Variants in BNC2 observed in about 807,000 individuals in gnomAD.
BNC2 encodes the protein basonuclin zinc finger protein 2.
BNC2 carries 20 observed loss-of-function variants against 76.3 expected under a neutral mutation model. The observed-to-expected ratio is 0.26, with a 90% CI of 0.18 to 0.38. The LOEUF is 0.38. Among genes scored for constraint, BNC2 ranks in the 10% least tolerant of loss-of-function variants. BNC2 has a pLI of 1.00. For synonymous variants in BNC2, 582 were observed against 514.8 expected, an observed-to-expected ratio of 1.13 and a Z score of -1.77; for missense variants, 1,382 against 1,399.8, an observed-to-expected ratio of 0.99 and a Z score of 0.20.
chr9:16,677,449 C>T lies in BNC2; in HGVS notation c.330+50348G>A, dbSNP rs116202857. Among the ~76,000 whole-genome samples the T allele has an allele frequency of 3.1e-3, 473 of 151,978 alleles. 5 individuals are homozygous for T. The highest frequency in any genetic ancestry group is 0.01 in the African/African-American group (434 of 41,450). On this transcript the variant is annotated intron_variant, in intron 3 of 6. Transcript: ENST00000380672. The stretch of plus-strand genomic sequence containing the variant: ...TTAACTGGACATGGTGGTGAATGCC[C>T]GTAGTCCCAGCTACTCGGGAGGCTG...
At chr9:16,539,013 G>C (rs1818216005) in intron 5 of BNC2, among the ~76,000 whole-genome samples, 1 of 152,084 alleles carries the variant, frequency 6.6e-6, no homozygotes. Context: ...GGGGCATGGT[G>C]TCTGTCTGTT....
chr9:16,509,666 T>C (rs776237650), intron 5 of BNC2, among the ~76,000 whole-genome samples: 3 of 152,228 alleles, frequency 2.0e-5, no homozygotes, highest in Non-Finnish European at 4.4e-5. Flanking sequence ...TTCAGTTCCA[T>C]ACCAAAGTAT....
intron 1 of BNC2, among the ~76,000 whole-genome samples, chr9:16,747,047 T>C (rs1052294025): frequency 5.3e-5 from 8 of 152,026 alleles, no homozygotes; most frequent in Admixed American, 1.3e-4. Context: ...ATTCTTCCCA[T>C]TTTTAAAATA....
intron 3 of BNC2, among the ~76,000 whole-genome samples, chr9:16,607,747 T>C (rs1280729704): frequency 1.3e-5 from 2 of 152,224 alleles, no homozygotes; most frequent in Non-Finnish European, 2.9e-5. Flanking sequence ...CTACCCTGTC[T>C]AGGCAGTTAA....
chr9:16,671,807 T>C (rs1046698478), intron 3 of BNC2, among the ~76,000 whole-genome samples: 2 of 152,210 alleles, frequency 1.3e-5, no homozygotes, highest in Non-Finnish European at 2.9e-5. Context: ...TGACAAGTAC[T>C]GTTCTGAAAG....
intron 2 of BNC2, among the ~76,000 whole-genome samples, chr9:16,731,344 T>C (rs1824498222): frequency 6.6e-6 from 1 of 152,220 alleles, no homozygotes; most frequent in South Asian, 2.1e-4. Flanking sequence ...CTTTCCCACA[T>C]TTACTGATAG....
Position 16,436,387 on chromosome 9 carries a change from G to C in BNC2, c.1807C>G (p.Gln603Glu). 1 of 1,614,136 alleles carries C rather than the reference G, an allele frequency of 6.2e-7. No homozygotes were observed. Among genetic ancestry groups the C allele is most frequent in the Non-Finnish European group, 8.5e-7 (1 of 1,180,046 alleles). Residue 603 changes from glutamine to glutamate, a missense_variant, in exon 6 of 7, where the codon CAG becomes GAG. Around this residue, in one of 3 missense-constraint regions of BNC2, gnomAD observed 798 missense variants for 775.5 expected, o/e 1.03. Coordinates refer to ENST00000380672, the MANE Select transcript of BNC2 (RefSeq NM_017637.6). ...PIIPTSGTIE[Q>E]HPPPPSEPVV... ...GGCTCAGAGGGTGGCGGGGGGTGCT[G>C]CTCTATGGTACCACTGGTTGGAATG...
At chr9:16,814,070 C>A (rs895686671) in intron 1 of BNC2, among the ~76,000 whole-genome samples, 1 of 152,196 alleles carries the variant, frequency 6.6e-6, no homozygotes, top group African/African-American at 2.4e-5. Context: ...TGACACGGAC[C>A]ACTGGGCTGT....
chr9:16,714,133 G>A lies in BNC2; in HGVS notation c.330+13664C>T, dbSNP rs759640863. 7.9e-5 allele frequency among the ~76,000 whole-genome samples: 12 copies of A among 152,144 alleles called. No homozygotes were observed. In the East Asian group the frequency reaches 2.3e-3, roughly 29 times the overall value. On this transcript the variant is annotated intron_variant, in intron 3 of 6. Coordinates refer to ENST00000380672, the MANE Select transcript of BNC2 (RefSeq NM_017637.6). ...TCGGTTTACTGTAGAAAGGCAAAAT[G>A]TCTGCCACCCACTTCGTCTGTGTTA...
rs371045663 is a variant in BNC2, at chr9:16,860,101, G to A, written c.3+10545C>T. Among the ~76,000 whole-genome samples, 8 of 151,142 alleles carry A rather than the reference G, an allele frequency of 5.3e-5. No individual in the cohort carries two copies. In the South Asian group the frequency reaches 8.4e-4, roughly 16 times the overall value. ...CACACCACTGCACTCCAGCATGGACGACAGAGTGAGACTCCATCTCAAAAA... is the reference window on the plus strand; with the variant it reads ...CACACCACTGCACTCCAGCATGGACAACAGAGTGAGACTCCATCTCAAAAA... On this transcript the variant is annotated intron_variant, in intron 1 of 6. Coordinates refer to ENST00000380672, the MANE Select transcript of BNC2 (RefSeq NM_017637.6).
At chr9:16,690,784 A>G (rs1008902709) in intron 3 of BNC2, among the ~76,000 whole-genome samples, 5 of 152,212 alleles carry the variant, frequency 3.3e-5, no homozygotes, top group African/African-American at 9.6e-5. Context: ...GAAAATGGAA[A>G]AGAGTCAATC....
intron 3 of BNC2, among the ~76,000 whole-genome samples, chr9:16,660,938 C>T (rs186640572): frequency 8.0e-4 from 121 of 152,190 alleles, no homozygotes; most frequent in African/African-American, 2.2e-3. Context: ...GGAACTAAAC[C>T]GTCCTCAAAT....
chr9:16,654,174 A>G (rs1407882667), intron 3 of BNC2, among the ~76,000 whole-genome samples: 2 of 152,186 alleles, frequency 1.3e-5, no homozygotes, highest in African/African-American at 4.8e-5. Context: ...TTAGGCAACT[A>G]CAGTAGAAAT....
At chr9:16,691,960 G>C (rs1383287737) in intron 3 of BNC2, among the ~76,000 whole-genome samples, 1 of 151,826 alleles carries the variant, frequency 6.6e-6, no homozygotes, top group Admixed American at 6.6e-5. Flanking sequence ...ACAGGTGCCT[G>C]CCACCATGCC....
intron 5 of BNC2, among the ~76,000 whole-genome samples, chr9:16,516,090 C>A (rs898481606): frequency 6.6e-5 from 10 of 152,174 alleles, no homozygotes; most frequent in Admixed American, 2.0e-4. Flanking sequence ...TTGAGCTGAG[C>A]CACTGTTTCT....
At chr9:16,665,404 A>AGAG (rs1554702339) in intron 3 of BNC2, among the ~76,000 whole-genome samples, 2 of 62,850 alleles carry the variant, frequency 3.2e-5, no homozygotes, top group African/African-American at 1.1e-4. Flanking sequence ...GAGAGAGAGA[A>AGAG]AGAGAGAAAA....
chr9:16,499,921 T>A (rs947177187), intron 5 of BNC2, among the ~76,000 whole-genome samples: 1 of 152,048 alleles, frequency 6.6e-6, no homozygotes, highest in African/African-American at 2.4e-5. Flanking sequence ...TTTACTACTA[T>A]CATACTAAGG....
chr9:16,521,723 G>A (rs1337928643), intron 5 of BNC2, among the ~76,000 whole-genome samples: 1 of 152,100 alleles, frequency 6.6e-6, no homozygotes. Flanking sequence ...ACTAACAGTA[G>A]TCACCAACAT....
At chr9:16,788,306 C>G (rs543080276) in intron 1 of BNC2, among the ~76,000 whole-genome samples, 2 of 152,134 alleles carry the variant, frequency 1.3e-5, no homozygotes, top group Admixed American at 1.3e-4. Context: ...GTAATCCCAG[C>G]ACTCTGGGAG....
Sources: gnomAD v4.1 joint callset for allele counts (sites outside exome capture counted in the v4.1 genomes callset) on GRCh38, gnomAD v4.1.1 for gene constraint, gnomAD v4.1.1 regional missense constraint, MANE v1.5 for transcripts, NCBI Gene and HGNC (gene_info 2026-07-23, HGNC 2026-07-21) for gene names.